Variants in PLG observed in about 807,000 individuals in gnomAD.
PLG encodes the protein plasminogen, also known as plasmin.
PLG carries 41 observed loss-of-function variants against 104.4 expected under a neutral mutation model. That is an observed-to-expected ratio of 0.39 (90% CI 0.31 to 0.51). The LOEUF (loss-of-function observed/expected upper bound fraction) is 0.51. Among genes scored for constraint, PLG ranks in the 20% least tolerant of loss-of-function variants. The pLI is 0.76. For synonymous variants in PLG, 337 were observed against 357.1 expected (o/e 0.94, Z 0.63); for missense variants, 891 against 1,003.6 (o/e 0.89, Z 1.52).
At position 160,714,836 on chromosome 6, in the gene PLG, T is replaced by C; in HGVS notation, c.590T>C (p.Ile197Thr). ...HCSGENYDGKISKTMSGLECQ... is the reference protein window; with the variant it reads ...HCSGENYDGKTSKTMSGLECQ... ...AGTGGAGAAAACTATGACGGCAAAA[T>C]TTCCAAGACCATGTCTGGACTGGAA... Residue 197 changes from isoleucine to threonine, a missense_variant, in exon 6 of 19, where the codon ATT (isoleucine) becomes ACT (threonine). Physicochemically the swap from Ile to Thr is moderately conservative, Grantham distance 89 (BLOSUM62 -1). Around this residue, in one of 2 missense-constraint regions of PLG, gnomAD observed 854 missense variants for 932.1 expected, o/e 0.92. Coordinates refer to ENST00000308192, the MANE Select transcript of PLG (RefSeq NM_000301.5). The C allele has an allele frequency of 6.2e-7, 1 of 1,613,774 alleles. No homozygotes were observed. Among genetic ancestry groups the C allele is most frequent in the Non-Finnish European group, 8.5e-7 (1 of 1,179,694 alleles).
intron 5 of PLG, 136 bp downstream of exon 5, chr6:160,713,261 G>C: frequency 1.3e-6 from 1 of 745,064 alleles, no homozygotes; most frequent in Non-Finnish European, 2.3e-6. Context: ...CAAAACCCCA[G>C]AATTAACCTG....
At chr6:160,711,781 C>T (rs1185869132) in intron 4 of PLG, 4 of 1,581,280 alleles carry the variant, frequency 2.5e-6, no homozygotes, top group Non-Finnish European at 3.4e-6. Context: ...ATGTTTGGGA[C>T]TGAAGTAAGC....
In PLG at chr6:160,739,837, AGTTT is replaced by A. The variant is rs1778159146; in HGVS notation, c.2018+630_2018+633del. The stretch of plus-strand genomic sequence containing the variant: ...ACAATGTCAAAAAAATCACAAATAC[AGTTT>A]ATAAATGTAAATTATATTATTATTA... On this transcript the variant is annotated intron_variant, in intron 16 of 18. Coordinates refer to ENST00000308192, the MANE Select transcript of PLG (RefSeq NM_000301.5). This position sits in a 1 kb window ranked among gnomAD's most constrained non-coding sequence, Gnocchi z 4.4. Among the ~76,000 whole-genome samples, 1 of 151,888 alleles carries A rather than the reference AGTTT, an allele frequency of 6.6e-6. No individual in the cohort carries two copies. The highest frequency in any genetic ancestry group is 2.4e-5 in the African/African-American group (1 of 41,388).
chr6:160,725,536 G>C lies in PLG; in HGVS notation c.1256+2969G>C, dbSNP rs1273418474. Among the ~76,000 whole-genome samples, 1 of 151,936 alleles carries C rather than the reference G, an allele frequency of 6.6e-6. No homozygotes were observed. The highest frequency in any genetic ancestry group is 2.1e-4 in the South Asian group (1 of 4,820). On this transcript the variant is annotated intron_variant, in intron 10 of 18. Transcript: ENST00000308192. The surrounding 1 kb of genome is among the most constrained non-coding windows in gnomAD (Gnocchi z 6.3). ...AAGAAGGAAAGAAAGGAAGAAAAAA[G>C]AATGAAGAAGATATGGCAAAGAGAG...
rs950320842 is a variant in PLG at position 160,727,405 on chromosome 6, T to C, written c.1257-3646T>C. On this transcript the variant is annotated intron_variant, in intron 10 of 18. Transcript: ENST00000308192. ...AAAAATCCAATTCTTCACGATCTGTTACAGAAAATAGAGGAGAAGGGAAAT... is the reference window on the plus strand; with the variant it reads ...AAAAATCCAATTCTTCACGATCTGTCACAGAAAATAGAGGAGAAGGGAAAT... Among the ~76,000 whole-genome samples, 16 of 150,892 alleles carry C rather than the reference T, an allele frequency of 1.1e-4. No homozygotes were observed. In the South Asian group the frequency reaches 1.5e-3, roughly 14 times the overall value.
At chr6:160,704,674 T>C (rs1313468751) in intron 1 of PLG, among the ~76,000 whole-genome samples, 1 of 152,198 alleles carries the variant, frequency 6.6e-6, no homozygotes, top group Non-Finnish European at 1.5e-5. Context: ...TGGATTAGCT[T>C]TAGAATGCAT....
Position 160,718,309 on chromosome 6 carries a change from C to T in PLG, c.803C>T (p.Ser268Phe). The change falls in exon 8 of 19, where the codon TCT becomes TTT. Residue 268 changes from serine (S) to phenylalanine (F), a missense_variant. Physicochemically the swap from Ser to Phe is radical, Grantham distance 155. Transcript: ENST00000308192. The part of the protein sequence containing the change: ...DIPRCTTPPP[S>F]SGPTYQCLKG... ...CCCATTCAAGCAACACCTCCACCAT[C>T]TTCTGGTCCCACCTACCAGTGTCTG... 5 of 1,613,890 alleles carry T rather than the reference C, an allele frequency of 3.1e-6. No homozygotes were observed. The highest frequency in any genetic ancestry group is 4.2e-6 in the Non-Finnish European group (5 of 1,179,712).
chr6:160,749,764 C>T (rs1778368972), intron 17 of PLG, among the ~76,000 whole-genome samples: 1 of 151,792 alleles, frequency 6.6e-6, no homozygotes, highest in African/African-American at 2.4e-5. Flanking sequence ...ATCACCATCA[C>T]CACCGCCACC....
chr6:160,737,660 C>T lies in PLG; in HGVS notation c.1802+653C>T, dbSNP rs190207147. 2.0e-3 allele frequency among the ~76,000 whole-genome samples: 303 copies of T among 152,306 alleles called. 3 individuals carry two copies. Among genetic ancestry groups the T allele is most frequent in the Non-Finnish European group, 4.7e-4 (32 of 68,036 alleles). On this transcript the variant is annotated intron_variant, in intron 14 of 18. Coordinates refer to ENST00000308192, the MANE Select transcript of PLG (RefSeq NM_000301.5). This position sits in a 1 kb window ranked among gnomAD's most constrained non-coding sequence, Gnocchi z 4.7. ...AGCAAGCATAGGAAACAGGCCCATCCGTCTGCCTGTTTTGCTTCCTCATCT... is the reference window on the plus strand; with the variant it reads ...AGCAAGCATAGGAAACAGGCCCATCTGTCTGCCTGTTTTGCTTCCTCATCT...
At chr6:160,711,828 A>T (rs1322980032) in intron 4 of PLG, 1 of 1,473,070 alleles carries the variant, frequency 6.8e-7, no homozygotes, top group Admixed American at 2.8e-5. Context: ...GTTCGACTCA[A>T]ATTGTGGAGC....
rs139942589 is a variant in PLG, at chr6:160,753,919, A to C, written c.*858A>C. Among the ~76,000 whole-genome samples, 1 of 152,370 alleles carries C rather than the reference A, an allele frequency of 6.6e-6. No homozygotes were observed. The highest frequency in any genetic ancestry group is 1.9e-4 in the East Asian group (1 of 5,190). On this transcript the variant is annotated 3_prime_UTR_variant, in exon 19 of 19. Transcript: ENST00000308192. This position sits in a 1 kb window ranked among gnomAD's most constrained non-coding sequence, Gnocchi z 5.4. Reference sequence around the variant, plus strand: ...AGGCACACGTTTTACCATTTAAAATATTGTTACCAAACAAAAATATCCATT... The same window carrying C: ...AGGCACACGTTTTACCATTTAAAATCTTGTTACCAAACAAAAATATCCATT...
chr6:160,708,799 C>T (rs534926687), intron 3 of PLG, among the ~76,000 whole-genome samples: 8 of 152,212 alleles, frequency 5.3e-5, no homozygotes, highest in Admixed American at 4.6e-4. Context: ...GACTCATCTT[C>T]CTGGGTTTCA....
In PLG at chr6:160,714,929, G is replaced by A. The variant is rs761242628; in HGVS notation, c.668+15G>A. The A allele has an allele frequency of 1.4e-4, 228 of 1,612,384 alleles. No individual in the cohort carries two copies. Among genetic ancestry groups the A allele is most frequent in the Non-Finnish European group, 1.9e-4 (224 of 1,178,756 alleles). On this transcript the variant is annotated intron_variant, in intron 6 of 18. Transcript: ENST00000308192. Reference sequence around the variant, plus strand: ...ATTCCTTCCAAGTAAGTCTCACTGGGAAAAACATTCCATGTTTAATTAAGG... The same window carrying A: ...ATTCCTTCCAAGTAAGTCTCACTGGAAAAAACATTCCATGTTTAATTAAGG...
Position 160,734,053 on chromosome 6 carries a change from G to A in PLG, c.1646G>A (p.Arg549Lys). The A allele has an allele frequency of 6.2e-7, 1 of 1,610,736 alleles. No homozygotes were observed. ...GGPWCYTTNP[R>K]KLYDYCDVPQ... ...CCCTGGTGCTACACGACAAATCCAA[G>A]AAAACTTTACGACTACTGTGATGTC... Residue 549 changes from arginine (R) to lysine (K), a missense_variant, in exon 13 of 19, where the codon AGA (arginine) becomes AAA (lysine). Around this residue, in one of 2 missense-constraint regions of PLG, gnomAD observed 854 missense variants for 932.1 expected, o/e 0.92. Transcript: ENST00000308192. The surrounding 1 kb of genome is among the most constrained non-coding windows in gnomAD (Gnocchi z 4.4).
chr6:160,703,033 TA>T (rs146412440), intron 1 of PLG, among the ~76,000 whole-genome samples: 5,827 of 152,254 alleles, frequency 0.038, 371 homozygotes, highest in African/African-American at 0.13. Context: ...AATACTAGCT[TA>T]TTTAGCTCGT....
intron 9 of PLG, 60 bp downstream of exon 9, chr6:160,718,898 A>T: frequency 7.1e-7 from 1 of 1,412,120 alleles, no homozygotes; most frequent in Non-Finnish European, 1.0e-6. Flanking sequence ...TTTGTATACC[A>T]GTGGCATCAT....
chr6:160,702,555 G>A (rs4252064), intron 1 of PLG, among the ~76,000 whole-genome samples: 2,963 of 152,238 alleles, frequency 0.019, 87 homozygotes, highest in African/African-American at 0.068. Context: ...TGGAATGAAT[G>A]GGCAGAGAAA....
intron 1 of PLG, chr6:160,706,055 G>A (rs4063608): frequency 6.4e-6 from 2 of 310,798 alleles, no homozygotes; most frequent in South Asian, 3.7e-5. Flanking sequence ...ATGTGCAGGT[G>A]TGTTACATAA....
chr6:160,721,002 C>A (rs1172892821), intron 9 of PLG, among the ~76,000 whole-genome samples: 1 of 152,090 alleles, frequency 6.6e-6, no homozygotes, highest in Non-Finnish European at 1.5e-5. Flanking sequence ...GTCATCTCCT[C>A]AGCCCATTGA....
Sources: gnomAD v4.1 joint callset for allele counts (sites outside exome capture counted in the v4.1 genomes callset) on GRCh38, gnomAD v4.1.1 for gene constraint, gnomAD v4.1.1 regional missense constraint, Gnocchi (gnomAD v3.1) non-coding constraint, MANE v1.5 for transcripts, NCBI Gene and HGNC (gene_info 2026-07-23, HGNC 2026-07-21) for gene names.